PARD3B: variants seen among roughly 807,000 people sequenced by gnomAD.
The protein encoded by PARD3B is par-3 family cell polarity regulator beta, also known as partitioning defective 3 homolog B.
PARD3B carries 103 observed loss-of-function variants against 130.2 expected under a neutral mutation model. That is an observed-to-expected ratio of 0.79 (90% CI 0.67 to 0.93). The LOEUF (loss-of-function observed/expected upper bound fraction) is 0.93. Ranked by LOEUF, PARD3B falls within the 40% of genes least tolerant of loss-of-function variation. The pLI is 0.00. For missense variants in PARD3B, 1,609 were observed against 1,499.2 expected (o/e 1.07, Z -1.21); for synonymous variants, 583 against 553.2 (o/e 1.05, Z -0.76).
At chr2:204,642,581 A>G (rs1280913311) in intron 1 of PARD3B, among the ~76,000 whole-genome samples, 4 of 152,122 alleles carry the variant, frequency 2.6e-5, no homozygotes, top group Non-Finnish European at 5.9e-5. Flanking sequence ...AGCTATCACA[A>G]CATGCATCTT....
At chr2:204,781,081 A>G (rs932117868) in intron 2 of PARD3B, among the ~76,000 whole-genome samples, 2 of 152,084 alleles carry the variant, frequency 1.3e-5, no homozygotes, top group African/African-American at 4.8e-5. Flanking sequence ...TCTCATTGGT[A>G]GGGTGGATTT....
intron 20 of PARD3B, among the ~76,000 whole-genome samples, chr2:205,450,021 C>T (rs1237064927): frequency 6.6e-6 from 1 of 152,080 alleles, no homozygotes; most frequent in African/African-American, 2.4e-5. Flanking sequence ...GGCCTTGGTT[C>T]AAATGTATTA....
chr2:204,754,950 A>G (rs1350107228), intron 2 of PARD3B, among the ~76,000 whole-genome samples: 4 of 152,152 alleles, frequency 2.6e-5, no homozygotes, highest in Non-Finnish European at 1.5e-5. Context: ...TTGAAAACCG[A>G]GTTCCTCAGT....
intron 10 of PARD3B, among the ~76,000 whole-genome samples, chr2:205,156,179 A>G (rs866160670): frequency 6.1e-4 from 88 of 144,302 alleles, no homozygotes; most frequent in Middle Eastern, 7.8e-3. Flanking sequence ...ACCAAACACC[A>G]CATGTTCTCA....
At chr2:204,836,676 GATAAA>G (rs2044046404) in intron 2 of PARD3B, among the ~76,000 whole-genome samples, 1 of 151,978 alleles carries the variant, frequency 6.6e-6, no homozygotes, top group African/African-American at 2.4e-5. Flanking sequence ...AAATAATAAT[GATAAA>G]ATAAAATACC....
chr2:204,671,965 A>C (rs2036324091), intron 1 of PARD3B, among the ~76,000 whole-genome samples: 1 of 152,162 alleles, frequency 6.6e-6, no homozygotes, highest in Admixed American at 6.5e-5. Context: ...ATTTTTCTAT[A>C]ATTTTTAGCA....
chr2:204,745,080 A>C (rs2125372155), intron 2 of PARD3B, among the ~76,000 whole-genome samples: 1 of 152,304 alleles, frequency 6.6e-6, no homozygotes, highest in East Asian at 1.9e-4. Flanking sequence ...AATGCTTTAA[A>C]GTTGAGGTCT....
chr2:205,419,845 CA>C (rs1053382611), intron 19 of PARD3B, among the ~76,000 whole-genome samples: 3 of 152,108 alleles, frequency 2.0e-5, no homozygotes, highest in Non-Finnish European at 2.9e-5. Context: ...GTGATTCCTC[CA>C]TACCTCAAGG....
chr2:205,015,280 A>T lies in PARD3B; in HGVS notation c.395-32301A>T, dbSNP rs149414633. Among the ~76,000 whole-genome samples the T allele has an allele frequency of 5.2e-4, 79 of 152,330 alleles. 1 individual carries two copies. Among genetic ancestry groups the T allele is most frequent in the African/African-American group, 1.8e-3 (76 of 41,582 alleles). ...CTATTCATTAAATGGAAGTAGATCA[A>T]TATAAAGGTCTTCATCCTCATCATC... is the stretch of plus-strand genomic sequence containing the variant. On this transcript the variant is annotated intron_variant, in intron 3 of 22. Transcript: ENST00000406610. The surrounding 1 kb of genome is among the most constrained non-coding windows in gnomAD (Gnocchi z 4.5).
intron 19 of PARD3B, among the ~76,000 whole-genome samples, chr2:205,431,829 A>G (rs1208979225): frequency 1.3e-5 from 2 of 152,160 alleles, no homozygotes; most frequent in Admixed American, 1.3e-4. Context: ...AAATGAAAGA[A>G]ACATTAATGT....
At chr2:204,578,510 C>CCAGA (rs2032384205) in intron 1 of PARD3B, among the ~76,000 whole-genome samples, 1 of 152,044 alleles carries the variant, frequency 6.6e-6, no homozygotes, top group South Asian at 2.1e-4. Context: ...GTGGCTCTTG[C>CCAGA]CAGAATTCAG....
Position 204,935,503 on chromosome 2 carries a change from T to C in PARD3B, c.223-29649T>C, listed in dbSNP as rs189149752. Among the ~76,000 whole-genome samples, 609 of 150,266 alleles carry C rather than the reference T, an allele frequency of 4.1e-3. 2 individuals are homozygous for C. The highest frequency in any genetic ancestry group is 0.012 in the African/African-American group (498 of 41,378). ...GCAGTGAGCCAAGATGGCGCCACTG[T>C]ACTCCAGCCTGAGTGACAGAGCAAG... On this transcript the variant is annotated intron_variant, in intron 2 of 22. Transcript: ENST00000406610.
intron 10 of PARD3B, among the ~76,000 whole-genome samples, chr2:205,137,262 G>A (rs780006378): frequency 6.6e-6 from 1 of 152,152 alleles, no homozygotes; most frequent in Non-Finnish European, 1.5e-5. Context: ...GTGGGACTCT[G>A]GTCAGGCCCT....
chr2:205,237,021 G>C (rs1039420360), intron 15 of PARD3B, among the ~76,000 whole-genome samples: 1 of 152,220 alleles, frequency 6.6e-6, no homozygotes, highest in African/African-American at 2.4e-5. Context: ...AACACCCATA[G>C]TGCTTCAAAG....
chr2:205,607,125 G>A (rs1456789356), intron 22 of PARD3B, among the ~76,000 whole-genome samples: 1 of 152,052 alleles, frequency 6.6e-6, no homozygotes. Context: ...CTTAAGAAAG[G>A]CACCTCAAGG....
chr2:204,794,352 C>T (rs996402553), intron 2 of PARD3B, among the ~76,000 whole-genome samples: 12 of 152,116 alleles, frequency 7.9e-5, no homozygotes, highest in East Asian at 5.8e-4. Flanking sequence ...ATGAAAGTAA[C>T]GTGAACCCTT....
intron 2 of PARD3B, among the ~76,000 whole-genome samples, chr2:204,766,551 C>T (rs371692261): frequency 3.9e-5 from 6 of 151,986 alleles, no homozygotes; most frequent in African/African-American, 1.2e-4. Flanking sequence ...TATTGCTATA[C>T]CTTATTTCAT....
At chr2:204,742,985 C>A (rs2040070490) in intron 2 of PARD3B, among the ~76,000 whole-genome samples, 1 of 152,142 alleles carries the variant, frequency 6.6e-6, no homozygotes, top group African/African-American at 2.4e-5. Flanking sequence ...GAAGTCCACA[C>A]TCTTTGTTTT....
chr2:205,214,466 C>T (rs374061484), intron 15 of PARD3B, among the ~76,000 whole-genome samples: 12 of 146,480 alleles, frequency 8.2e-5, no homozygotes, highest in Non-Finnish European at 1.2e-4. Context: ...TTAGTTGTCA[C>T]GAAAAATACC....
Sources: allele counts gnomAD v4.1 joint callset (sites outside exome capture counted in the v4.1 genomes callset), GRCh38; gene constraint gnomAD v4.1.1; non-coding constraint Gnocchi (gnomAD v3.1); transcripts MANE v1.5; gene names NCBI Gene and HGNC (gene_info 2026-07-23, HGNC 2026-07-21).